Variants in CSMD1 observed in about 807,000 individuals in gnomAD.
CSMD1 encodes the protein CUB and sushi domain-containing protein 1.
CSMD1 carries 213 observed loss-of-function variants against 417.5 expected under a neutral mutation model. The observed-to-expected ratio is 0.51, with a 90% CI of 0.46 to 0.57. The LOEUF (loss-of-function observed/expected upper bound fraction) is 0.57, where lower values mean the gene tolerates loss of function less well. Among genes scored for constraint, CSMD1 ranks in the 20% least tolerant of loss-of-function variants. CSMD1 has a pLI of 0.00. For synonymous variants in CSMD1, 2,862 were observed against 1,736.8 expected (o/e 1.65, Z -16.11); for missense variants, 6,923 against 4,529.7 (o/e 1.53, Z -15.17).
chr8:4,043,590 T>G (rs1798001686), intron 3 of CSMD1, among the ~76,000 whole-genome samples: 1 of 152,182 alleles, frequency 6.6e-6, no homozygotes, highest in South Asian at 2.1e-4. Flanking sequence ...GAGGGGGAAA[T>G]CAATGTAGAA....
At chr8:4,688,100 T>C (rs1367025866) in intron 1 of CSMD1, among the ~76,000 whole-genome samples, 1 of 152,170 alleles carries the variant, frequency 6.6e-6, no homozygotes, top group Non-Finnish European at 1.5e-5. Context: ...GCTTTCTACA[T>C]TCATGTAGAA....
chr8:4,809,190 T>A lies in CSMD1; in HGVS notation c.86-171632A>T, dbSNP rs1017649056. Among the ~76,000 whole-genome samples, 28 of 152,200 alleles carry A rather than the reference T, an allele frequency of 1.8e-4. 1 individual carries two copies. The highest frequency in any genetic ancestry group is 6.8e-4 in the African/African-American group (28 of 41,456). On this transcript the variant is annotated intron_variant, in intron 1 of 69. Transcript: ENST00000635120. ...ATGATAAATACACGTCTTGATATCA[T>A]CTGAATTCACTGATATTATTCTTTA... is the stretch of plus-strand genomic sequence containing the variant.
intron 10 of CSMD1, among the ~76,000 whole-genome samples, chr8:3,543,575 T>A (rs527592752): frequency 8.6e-5 from 13 of 151,864 alleles, no homozygotes; most frequent in South Asian, 4.2e-4. Flanking sequence ...TGCTGATGAA[T>A]GTGGGGTATG....
At chr8:4,566,578 A>G (rs941067003) in intron 2 of CSMD1, among the ~76,000 whole-genome samples, 4 of 144,018 alleles carry the variant, frequency 2.8e-5, no homozygotes, top group East Asian at 4.4e-4. Context: ...GCGTGAACCC[A>G]GGAGGTGGAG....
intron 26 of CSMD1, among the ~76,000 whole-genome samples, chr8:3,260,024 C>G (rs1284810538): frequency 6.6e-6 from 1 of 152,132 alleles, no homozygotes; most frequent in African/African-American, 2.4e-5. Flanking sequence ...TCTGACTCTT[C>G]AGGGAAAAGG....
At chr8:3,808,508 AAG>A (rs1439059932) in intron 5 of CSMD1, among the ~76,000 whole-genome samples, 1 of 152,184 alleles carries the variant, frequency 6.6e-6, no homozygotes, top group Non-Finnish European at 1.5e-5. Context: ...AAGAAAGACT[AAG>A]AGCATGCTAC....
At chr8:3,248,022 C>A (rs1799998412) in intron 26 of CSMD1, among the ~76,000 whole-genome samples, 3 of 152,090 alleles carry the variant, frequency 2.0e-5, no homozygotes, top group Admixed American at 2.0e-4. Context: ...ACCACACAGA[C>A]AACACTCAAG....
At chr8:4,571,895 G>A (rs375880449) in intron 2 of CSMD1, among the ~76,000 whole-genome samples, 3 of 152,220 alleles carry the variant, frequency 2.0e-5, no homozygotes, top group East Asian at 3.9e-4. Context: ...TGTCTTTTTG[G>A]ATCTTTGTTG....
chr8:3,971,918 A>AT (rs1379321915), intron 5 of CSMD1, among the ~76,000 whole-genome samples: 2 of 151,768 alleles, frequency 1.3e-5, no homozygotes, highest in African/African-American at 4.8e-5. Context: ...TTGTTTGTCT[A>AT]TTTTTTTGAG....
At chr8:4,946,719 T>C (rs1479817153) in intron 1 of CSMD1, among the ~76,000 whole-genome samples, 14 of 152,208 alleles carry the variant, frequency 9.2e-5, no homozygotes, top group Admixed American at 9.2e-4. Context: ...GTTGAATATG[T>C]GTAGTTGGTG....
intron 2 of CSMD1, among the ~76,000 whole-genome samples, chr8:4,454,588 G>C (rs897543112): frequency 6.6e-5 from 10 of 152,182 alleles, no homozygotes; most frequent in African/African-American, 2.2e-4. Flanking sequence ...CACTGATTTA[G>C]GGCTGGCTGG....
At chr8:4,919,957 G>C (rs1373084635) in intron 1 of CSMD1, among the ~76,000 whole-genome samples, 1 of 152,110 alleles carries the variant, frequency 6.6e-6, no homozygotes, top group Non-Finnish European at 1.5e-5. Context: ...CCAATGCCTT[G>C]ATCTTGGACT....
chr8:3,468,184 A>C (rs2117184760), intron 12 of CSMD1, among the ~76,000 whole-genome samples: 1 of 152,318 alleles, frequency 6.6e-6, no homozygotes, highest in South Asian at 2.1e-4. Context: ...TTTCACAGGA[A>C]ATTCATTTGC....
chr8:4,746,367 G>A lies in CSMD1; in HGVS notation c.86-108809C>T, dbSNP rs747262271. ...GGGTTCAAGGGCTATGGTTTTAAGC[G>A]TTAGTCCTTTTCATTATCCTGCAAA... On this transcript the variant is annotated intron_variant, in intron 1 of 69. Transcript: ENST00000635120. 8.5e-5 allele frequency among the ~76,000 whole-genome samples: 13 copies of A among 152,276 alleles called. 1 individual carries two copies. Among genetic ancestry groups the A allele is most frequent in the Middle Eastern group, 3.4e-3 (1 of 294 alleles).
intron 3 of CSMD1, among the ~76,000 whole-genome samples, chr8:4,181,707 C>G (rs1798386514): frequency 6.7e-6 from 1 of 149,532 alleles, no homozygotes; most frequent in Non-Finnish European, 1.5e-5. Context: ...TCAATATAAT[C>G]TCCCCTCAGA....
chr8:3,336,580 C>G (rs145776671), intron 23 of CSMD1, among the ~76,000 whole-genome samples: 2 of 152,270 alleles, frequency 1.3e-5, no homozygotes, highest in South Asian at 2.1e-4. Context: ...AGGAAAGATG[C>G]TTTACCCCGC....
Position 4,716,450 on chromosome 8 carries a change from A to G in CSMD1, c.86-78892T>C, listed in dbSNP as rs369843582. Among the ~76,000 whole-genome samples, 12 of 152,296 alleles carry G rather than the reference A, an allele frequency of 7.9e-5. 1 individual carries two copies. The South Asian group carries it at 1.7e-3, about 21-fold the overall frequency. The stretch of plus-strand genomic sequence containing the variant: ...GGACATCAAGATTAATATCTGAAAA[A>G]CAGAATTTTTCAGTTATTAATAGAA... On this transcript the variant is annotated intron_variant, in intron 1 of 69. Transcript: ENST00000635120.
At chr8:3,539,371 A>G (rs757237458) in intron 10 of CSMD1, among the ~76,000 whole-genome samples, 1 of 152,128 alleles carries the variant, frequency 6.6e-6, no homozygotes, top group African/African-American at 2.4e-5. Flanking sequence ...CACCTTTACT[A>G]TAAGAAGTAT....
intron 2 of CSMD1, among the ~76,000 whole-genome samples, chr8:4,444,965 G>A (rs761864619): frequency 2.0e-5 from 3 of 152,148 alleles, no homozygotes; most frequent in East Asian, 1.9e-4. Flanking sequence ...TCTCCACTGT[G>A]TTAAAGAAAT....
Sources: allele counts gnomAD v4.1 joint callset (sites outside exome capture counted in the v4.1 genomes callset), GRCh38; gene constraint gnomAD v4.1.1; transcripts MANE v1.5; gene names NCBI Gene and HGNC (gene_info 2026-07-23, HGNC 2026-07-21).